Variants in GCM2 observed in about 807,000 individuals in gnomAD.
GCM2 encodes GCM transcription factor 2.
A neutral mutation model predicts 24.8 loss-of-function variants in GCM2; 21 were observed. The ratio of observed to expected loss-of-function variants is 0.85; its 90% CI spans 0.60 to 1.22. The LOEUF (loss-of-function observed/expected upper bound fraction) is 1.22. Among genes scored for constraint, GCM2 ranks in the 50% most tolerant of loss-of-function variants. The pLI is 0.00. For synonymous variants in GCM2, 222 were observed against 238.0 expected (o/e 0.93, Z 0.62); for missense variants, 532 against 645.6 (o/e 0.82, Z 1.91).
chr6:10,881,980 AC>A lies in GCM2; in HGVS notation c.-188del. 1 of 625,920 alleles carries A rather than the reference AC, an allele frequency of 1.6e-6. No homozygotes were observed. The highest frequency in any genetic ancestry group is 2.9e-6 in the Non-Finnish European group (1 of 349,514). 38.8% of individuals were successfully genotyped at this position (625,920 alleles called of 1,614,324 possible). Reference sequence around the variant, plus strand: ...TGGAAGCTGGGGACAATGGTTATGGACCCGGGCGGGGCCTTGTCCTTGGCCG... The same window carrying A: ...TGGAAGCTGGGGACAATGGTTATGGACCGGGCGGGGCCTTGTCCTTGGCCG... On this transcript the variant is annotated 5_prime_UTR_variant, in exon 1 of 5. The change creates a premature stop within an existing upstream ORF in the 5' untranslated region. Transcript: ENST00000379491.
Position 10,881,147 on chromosome 6 carries a change from TTTCTTC to T in GCM2, c.90+551_90+556del, listed in dbSNP as rs35599770. On this transcript the variant is annotated intron_variant, in intron 1 of 4. Coordinates refer to ENST00000379491, the MANE Select transcript of GCM2 (RefSeq NM_004752.4). ...AAGGAAATTGCTGGGAGAAGACACA[TTTCTTC>T]TTCTTCTTCTTCTTCTTTTTTTGAG... Among the ~76,000 whole-genome samples, 128 of 150,974 alleles carry T rather than the reference TTTCTTC, an allele frequency of 8.5e-4. 1 individual carries two copies. The highest frequency in any genetic ancestry group is 6.9e-3 in the Admixed American group (105 of 15,182).
At chr6:10,877,021 C>A in intron 2 of GCM2, 119 bp downstream of exon 2, 1 of 1,310,996 alleles carries the variant, frequency 7.6e-7, no homozygotes, top group Non-Finnish European at 1.1e-6. Context: ...TGAGATTGCA[C>A]CATTGCAGTC....
In GCM2 at chr6:10,877,192, G is replaced by A. The variant is rs776955030; in HGVS notation, c.291C>T (p.Ser97=). ...AGATGGCCGGCCTCAGCTGCAGGCGGGAACCGTCGGGCAGGGTGCAGGCCT... is the reference window on the plus strand; with the variant it reads ...AGATGGCCGGCCTCAGCTGCAGGCGAGAACCGTCGGGCAGGGTGCAGGCCT... ...CTQACTLPDG[S]RLQLRPAICD... The change falls in exon 2 of 5, where the codon TCC becomes TCT. Residue 97 remains serine, a synonymous_variant. Transcript: ENST00000379491. 2.2e-5 allele frequency: 35 copies of A among 1,613,834 alleles called. No homozygotes were observed. Among genetic ancestry groups the A allele is most frequent in the East Asian group, 8.9e-5 (4 of 44,902 alleles).
chr6:10,875,903 A>G lies in GCM2; in HGVS notation c.570T>C (p.Ile190=). 1 of 1,614,024 alleles carries G rather than the reference A, an allele frequency of 6.2e-7. No individual in the cohort carries two copies. ...ASFYQPQKKR[I]RESEAEENQD... is the part of the protein sequence containing the mutation. Reference sequence around the variant, plus strand: ...AGCTCCCTGTTACCTCGGATTCTCGAATTCTCTTTTTCTGGGGTTGGTAGA... The same window carrying G: ...AGCTCCCTGTTACCTCGGATTCTCGGATTCTCTTTTTCTGGGGTTGGTAGA... Residue 190 remains isoleucine (I), a synonymous_variant, in exon 4 of 5, where the codon ATT becomes ATC. Coordinates refer to ENST00000379491, the MANE Select transcript of GCM2 (RefSeq NM_004752.4).
In GCM2 at chr6:10,880,098, A is replaced by G. The variant is rs147632412; in HGVS notation, c.90+1606T>C. On this transcript the variant is annotated intron_variant, in intron 1 of 4. Coordinates refer to ENST00000379491, the MANE Select transcript of GCM2 (RefSeq NM_004752.4). ...TGGAGAAACCCAATCTCTACTAAAAATACAAAATTAGCTGGGCGTGGTGGC... is the reference window on the plus strand; with the variant it reads ...TGGAGAAACCCAATCTCTACTAAAAGTACAAAATTAGCTGGGCGTGGTGGC... Among the ~76,000 whole-genome samples, 11 of 152,214 alleles carry G rather than the reference A, an allele frequency of 7.2e-5. No individual in the cohort carries two copies. In the East Asian group the frequency reaches 1.9e-3, roughly 27 times the overall value.
rs765918099 is a variant in GCM2 at position 10,877,208 on chromosome 6, G to A, written c.275C>T (p.Thr92Ile). Reference sequence around the variant, plus strand: ...CTGCAGGCGGGAACCGTCGGGCAGGGTGCAGGCCTGTGTACACACCACCAC... The same window carrying A: ...CTGCAGGCGGGAACCGTCGGGCAGGATGCAGGCCTGTGTACACACCACCAC... ...LGVVVCTQAC[T>I]LPDGSRLQLR... The change falls in exon 2 of 5, where the codon ACC becomes ATC. Residue 92 changes from threonine (T) to isoleucine (I), a missense_variant. This residue lies in a region of GCM2 where 434 missense variants were observed against 521.9 expected (regional missense o/e 0.83). Coordinates refer to ENST00000379491, the MANE Select transcript of GCM2 (RefSeq NM_004752.4). 2 of 1,614,126 alleles carry A rather than the reference G, an allele frequency of 1.2e-6. No individual in the cohort carries two copies. Among genetic ancestry groups the A allele is most frequent in the Non-Finnish European group, 1.7e-6 (2 of 1,180,036 alleles).
Position 10,876,024 on chromosome 6 carries a change from A to G in GCM2, c.457-8T>C. On this transcript the variant is annotated splice_polypyrimidine_tract_variant and splice_region_variant and intron_variant, in intron 3 of 4. Transcript: ENST00000379491. ...ATCATGAACTCCCTTGGCCTGCGATAACGAGAAAATGAATCATACATTTGT... is the reference window on the plus strand; with the variant it reads ...ATCATGAACTCCCTTGGCCTGCGATGACGAGAAAATGAATCATACATTTGT... The G allele has an allele frequency of 6.2e-7, 1 of 1,614,088 alleles. No individual in the cohort carries two copies. The highest frequency in any genetic ancestry group is 8.5e-7 in the Non-Finnish European group (1 of 1,179,948).
chr6:10,874,123 G>C lies in GCM2; in HGVS notation c.1393C>G (p.His465Asp). 11 of 1,614,188 alleles carry C rather than the reference G, an allele frequency of 6.8e-6. No homozygotes were observed. Among genetic ancestry groups the C allele is most frequent in the Non-Finnish European group, 9.3e-6 (11 of 1,180,024 alleles). Residue 465 changes from histidine to aspartate, a missense_variant, in exon 5 of 5, where the codon CAC becomes GAC. By Grantham distance (81) the His-to-Asp change is moderately conservative (BLOSUM62 -1). Around this residue, in one of 3 missense-constraint regions of GCM2, gnomAD observed 434 missense variants for 521.9 expected, o/e 0.83. Transcript: ENST00000379491. ...RAIRPTVAIP[H>D]EPVSSRTDEA... ...TCTGTCCTAGAGGAAACTGGCTCGT[G>C]GGGAATAGCCACAGTGGGTCTGATG...
chr6:10,876,487 T>C lies in GCM2; in HGVS notation c.414A>G (p.Val138=), dbSNP rs769530379. 3 of 1,614,108 alleles carry C rather than the reference T, an allele frequency of 1.9e-6. No homozygotes were observed. The South Asian group carries it at 3.3e-5, about 18-fold the overall frequency. The change falls in exon 3 of 5, where the codon GTA becomes GTG. Residue 138 remains valine, a synonymous_variant. Transcript: ENST00000379491. ...IPCRGHSGYP[V]TNFWRLDGNA... ...TGCCATCAAGCCGCCAAAAGTTGGT[T>C]ACGGGGTATCCGCTGTGCCCTCGAC...
In GCM2 at chr6:10,877,162, G is replaced by T; in HGVS notation, c.321C>A (p.Asp107Glu). Residue 107 changes from aspartate to glutamate, a missense_variant, in exon 2 of 5, where the codon GAC becomes GAA. Coordinates refer to ENST00000379491, the MANE Select transcript of GCM2 (RefSeq NM_004752.4). ...SRLQLRPAIC[D>E]KARLKQQKKA... ...CACTCTGCTGTTTCAGCCGTGCCTTGTCGCAGATGGCCGGCCTCAGCTGCA... is the reference window on the plus strand; with the variant it reads ...CACTCTGCTGTTTCAGCCGTGCCTTTTCGCAGATGGCCGGCCTCAGCTGCA... The T allele has an allele frequency of 1.2e-6, 2 of 1,613,072 alleles. No individual in the cohort carries two copies. Among genetic ancestry groups the T allele is most frequent in the Non-Finnish European group, 1.7e-6 (2 of 1,180,038 alleles).
Sources: gnomAD v4.1 joint callset for allele counts (sites outside exome capture counted in the v4.1 genomes callset) on GRCh38, gnomAD v4.1.1 for gene constraint, gnomAD v4.1.1 regional missense constraint, MANE v1.5 for transcripts, NCBI Gene and HGNC (gene_info 2026-07-23, HGNC 2026-07-21) for gene names.